The following SPECC1 variants were observed in gnomAD, a reference collection of about 807,000 sequenced individuals.
SPECC1 encodes the protein sperm antigen with calponin homology and coiled-coil domains 1.
Under a neutral mutation model 104.1 loss-of-function variants are expected in SPECC1, and 62 were observed. The observed-to-expected ratio is 0.60, with a 90% CI of 0.49 to 0.74. The LOEUF is 0.74. SPECC1 is among the 30% of genes least tolerant of loss of function. SPECC1 has a pLI of 0.00. For synonymous variants in SPECC1, 513 were observed against 501.6 expected, an observed-to-expected ratio of 1.02 and a Z score of -0.30; for missense variants, 1,306 against 1,310.5, an observed-to-expected ratio of 1.00 and a Z score of 0.05.
chr17:20,296,944 AC>A lies in SPECC1; in HGVS notation c.2941-16del. 1 of 1,611,754 alleles carries A rather than the reference AC, an allele frequency of 6.2e-7. No individual in the cohort carries two copies. The highest frequency in any genetic ancestry group is 1.7e-5 in the Admixed American group (1 of 59,992). On this transcript the variant is annotated splice_polypyrimidine_tract_variant and intron_variant, in intron 12 of 14. Transcript: ENST00000395527. ...TTTGCAATAGTTCTTGTTTATTACT[AC>A]TTTTCTCTCCTGCAGAACATTGACA... is the stretch of plus-strand genomic sequence containing the variant.
intron 2 of SPECC1, among the ~76,000 whole-genome samples, chr17:20,098,867 T>G (rs940586802): frequency 2.0e-5 from 3 of 152,214 alleles, no homozygotes; most frequent in Non-Finnish European, 4.4e-5. Context: ...ACTGTATGCT[T>G]CTTTTTTGTA....
In SPECC1 at chr17:20,315,804, C is replaced by T. The variant is rs1388897313; in HGVS notation, c.*1739C>T. ...CTCAAGCCACCTTGAGACAAGAACT[C>T]CGCCCCCCTGTTAGTGCATCCCAGC... On this transcript the variant is annotated 3_prime_UTR_variant, in exon 15 of 15. Coordinates refer to ENST00000395527, the MANE Select transcript of SPECC1 (RefSeq NM_001243439.2). 8.6e-6 allele frequency: 2 copies of T among 232,794 alleles called. No homozygotes were observed. The highest frequency in any genetic ancestry group is 1.7e-5 in the Non-Finnish European group (2 of 117,870). The allele number at this position is 232,794 out of a possible 1,614,324, so 14.4% of individuals were successfully genotyped here. A position where few individuals can be genotyped will look rare whatever the true frequency, so the allele number is the denominator to read the frequency against.
intron 7 of SPECC1, among the ~76,000 whole-genome samples, chr17:20,239,588 T>C (rs886674430): frequency 1.3e-5 from 2 of 152,202 alleles, no homozygotes; most frequent in Admixed American, 1.3e-4. Flanking sequence ...TATAATTTTT[T>C]TTTTATGAGT....
chr17:20,107,571 C>T (rs903914845), intron 2 of SPECC1, among the ~76,000 whole-genome samples: 7 of 151,746 alleles, frequency 4.6e-5, no homozygotes, highest in Non-Finnish European at 7.4e-5. Flanking sequence ...ATTCTCCTGC[C>T]TCAGCCTCCC....
At chr17:20,196,323 T>C (rs2036031111) in intron 3 of SPECC1, among the ~76,000 whole-genome samples, 3 of 152,236 alleles carry the variant, frequency 2.0e-5, no homozygotes, top group Admixed American at 6.5e-5. Flanking sequence ...ATTTTAATTG[T>C]GTATTAGGTG....
intron 1 of SPECC1, among the ~76,000 whole-genome samples, chr17:20,070,795 T>G (rs2046520664): frequency 6.6e-6 from 1 of 151,894 alleles, no homozygotes; most frequent in Non-Finnish European, 1.5e-5. Flanking sequence ...TCTCATCTTG[T>G]CATTGACATT....
intron 13 of SPECC1, chr17:20,305,653 A>G (rs2041738106): frequency 1.1e-5 from 2 of 184,850 alleles, no homozygotes; most frequent in African/African-American, 4.7e-5. Flanking sequence ...AATACAATCT[A>G]TATATACTAT....
intron 12 of SPECC1, among the ~76,000 whole-genome samples, chr17:20,269,487 A>G (rs563826900): frequency 3.9e-5 from 6 of 152,058 alleles, no homozygotes; most frequent in Non-Finnish European, 8.8e-5. Context: ...GTGCAATGGC[A>G]CCATCTCGGC....
chr17:20,024,323 C>T (rs149569876), intron 1 of SPECC1, among the ~76,000 whole-genome samples: 5 of 152,270 alleles, frequency 3.3e-5, no homozygotes, highest in Admixed American at 1.3e-4. Flanking sequence ...TCATTCATCA[C>T]GTCCTTTGTG....
At chr17:20,036,671 T>C (rs2045098292) in intron 1 of SPECC1, among the ~76,000 whole-genome samples, 1 of 152,174 alleles carries the variant, frequency 6.6e-6, no homozygotes, top group African/African-American at 2.4e-5. Context: ...TGAAATTTGG[T>C]ATCCTTTGAC....
rs538811275 is a variant in SPECC1, at chr17:20,245,841, A to G, written c.2352-85A>G. 92 of 1,446,728 alleles carry G rather than the reference A, an allele frequency of 6.4e-5. 1 individual carries two copies. The East Asian group carries it at 2.0e-3, about 32-fold the overall frequency. 89.6% of individuals were successfully genotyped at this position (1,446,728 alleles called of 1,614,324 possible). A position where few individuals can be genotyped will look rare whatever the true frequency, so the allele number is the denominator to read the frequency against. On this transcript the variant is annotated intron_variant, in intron 7 of 14. Coordinates refer to ENST00000395527, the MANE Select transcript of SPECC1 (RefSeq NM_001243439.2). ...CCTTCCAGCTTCATTTATTTTCTCC[A>G]CATCAGTTCTGTTTTCCTCTGTGTC...
At chr17:20,272,389 G>A (rs936939033) in intron 12 of SPECC1, among the ~76,000 whole-genome samples, 9 of 151,174 alleles carry the variant, frequency 6.0e-5, no homozygotes, top group African/African-American at 1.9e-4. Context: ...ATTGTGAAAT[G>A]TACATAGGAT....
In SPECC1 at chr17:20,247,186, A is replaced by G. The variant is rs915993490; in HGVS notation, c.2498-33A>G. The G allele has an allele frequency of 2.0e-6, 3 of 1,526,514 alleles. No individual in the cohort carries two copies. In the African/African-American group the frequency reaches 4.1e-5, roughly 21 times the overall value. 94.6% of individuals were successfully genotyped at this position (1,526,514 alleles called of 1,614,324 possible). The stretch of plus-strand genomic sequence containing the variant: ...GTATATGCTATTTTGAAGTGGAACA[A>G]CATATAAATGTTCCCATGTTTTTTC... On this transcript the variant is annotated intron_variant, in intron 8 of 14. Transcript: ENST00000395527.
At chr17:20,179,052 G>C (rs1449297611) in intron 3 of SPECC1, among the ~76,000 whole-genome samples, 1 of 152,248 alleles carries the variant, frequency 6.6e-6, no homozygotes, top group African/African-American at 2.4e-5. Flanking sequence ...TCTGTATTCA[G>C]ACATATCAGC....
intron 3 of SPECC1, among the ~76,000 whole-genome samples, chr17:20,158,460 A>G (rs917415496): frequency 1.3e-5 from 2 of 152,224 alleles, no homozygotes; most frequent in African/African-American, 2.4e-5. Context: ...CACCTATGAA[A>G]GGGAAGCGGG....
At chr17:20,168,384 T>G (rs991345632) in intron 3 of SPECC1, among the ~76,000 whole-genome samples, 1 of 152,224 alleles carries the variant, frequency 6.6e-6, no homozygotes, top group Non-Finnish European at 1.5e-5. Flanking sequence ...ATGTCAGTAA[T>G]GCATTTAATA....
Position 20,318,889 on chromosome 17 carries a change from C to T in SPECC1, c.*4824C>T, listed in dbSNP as rs2586665. 1.0e-5 allele frequency: 2 copies of T among 194,386 alleles called. No homozygotes were observed. The highest frequency in any genetic ancestry group is 3.9e-4 in the South Asian group (2 of 5,110). 12.0% of individuals were successfully genotyped at this position (194,386 alleles called of 1,614,324 possible). A position where few individuals can be genotyped will look rare whatever the true frequency, so the allele number is the denominator to read the frequency against. On this transcript the variant is annotated 3_prime_UTR_variant, in exon 15 of 15. Coordinates refer to ENST00000395527, the MANE Select transcript of SPECC1 (RefSeq NM_001243439.2). Reference sequence around the variant, plus strand: ...AGTGTAGTTGATACATCTGTGGCCTCGTGTCTATAAAGAGCACACTAGATT... The same window carrying T: ...AGTGTAGTTGATACATCTGTGGCCTTGTGTCTATAAAGAGCACACTAGATT...
chr17:20,074,442 A>C (rs1371850221), intron 1 of SPECC1, among the ~76,000 whole-genome samples: 1 of 152,118 alleles, frequency 6.6e-6, no homozygotes, highest in African/African-American at 2.4e-5. Flanking sequence ...GATACCTTAA[A>C]ATCTCTCTTA....
chr17:20,160,850 C>T (rs544666414), intron 3 of SPECC1, among the ~76,000 whole-genome samples: 1 of 152,292 alleles, frequency 6.6e-6, no homozygotes, highest in South Asian at 2.1e-4. Flanking sequence ...AGCACATTTT[C>T]CCTGCTATAT....
Sources: allele counts gnomAD v4.1 joint callset (sites outside exome capture counted in the v4.1 genomes callset), GRCh38; gene constraint gnomAD v4.1.1; transcripts MANE v1.5; gene names NCBI Gene and HGNC (gene_info 2026-07-23, HGNC 2026-07-21).